Variants in MAGI2 observed in about 807,000 individuals in gnomAD.
MAGI2 encodes the protein membrane associated guanylate kinase, WW and PDZ domain containing 2.
A neutral mutation model predicts 133.3 loss-of-function variants in MAGI2; 35 were observed. That is an observed-to-expected ratio of 0.26 (90% CI 0.20 to 0.35). MAGI2 has a LOEUF of 0.35. Among genes scored for constraint, MAGI2 ranks in the 10% least tolerant of loss-of-function variants. The probability of loss-of-function intolerance (pLI) is 1.00; values close to 1 mark genes in which losing one functional copy is unlikely to be tolerated. For missense variants in MAGI2, 1,636 were observed against 1,863.4 expected (o/e 0.88, Z 2.25); for synonymous variants, 729 against 710.6 (o/e 1.03, Z -0.41).
chr7:78,764,564 T>G (rs971362501), intron 2 of MAGI2, among the ~76,000 whole-genome samples: 1 of 152,204 alleles, frequency 6.6e-6, no homozygotes, highest in Admixed American at 6.5e-5. Flanking sequence ...CCATCCCAAA[T>G]GTTAAACAGT....
chr7:79,383,919 A>C (rs1258540895), intron 1 of MAGI2, among the ~76,000 whole-genome samples: 2 of 151,492 alleles, frequency 1.3e-5, no homozygotes, highest in Middle Eastern at 3.2e-3. Context: ...AATATTTTAG[A>C]TATACCAGAC....
chr7:78,649,247 A>AAAAAAAAAAAG (rs1417040877), intron 2 of MAGI2, among the ~76,000 whole-genome samples: 2 of 149,052 alleles, frequency 1.3e-5, no homozygotes, highest in Admixed American at 1.3e-4. Context: ...AAAAAAAAAG[A>AAAAAAAAAAAG]AAAAAAGTAA....
intron 2 of MAGI2, among the ~76,000 whole-genome samples, chr7:78,650,976 A>T (rs1219051258): frequency 6.6e-6 from 1 of 152,168 alleles, no homozygotes; most frequent in African/African-American, 2.4e-5. Flanking sequence ...CTCAGTGGTG[A>T]TTTGAGGCGT....
intron 2 of MAGI2, among the ~76,000 whole-genome samples, chr7:78,759,923 C>T (rs980050571): frequency 6.6e-6 from 1 of 152,054 alleles, no homozygotes; most frequent in Non-Finnish European, 1.5e-5. Flanking sequence ...GTCAGCACTT[C>T]GAGACCAGCC....
intron 2 of MAGI2, among the ~76,000 whole-genome samples, chr7:78,949,300 G>A (rs1050975564): frequency 2.6e-5 from 4 of 152,066 alleles, no homozygotes; most frequent in Admixed American, 2.6e-4. Flanking sequence ...ATTGCTTGCT[G>A]TTTTATTTTG....
At chr7:78,231,365 G>A (rs771173510) in intron 10 of MAGI2, among the ~76,000 whole-genome samples, 99 of 152,330 alleles carry the variant, frequency 6.5e-4, no homozygotes, top group South Asian at 8.3e-4. Flanking sequence ...GGGATTGCGT[G>A]CCTGTTCCCC....
intron 2 of MAGI2, among the ~76,000 whole-genome samples, chr7:78,977,922 A>G (rs781601193): frequency 2.0e-5 from 3 of 151,840 alleles, no homozygotes; most frequent in Non-Finnish European, 2.9e-5. Flanking sequence ...AACAGTAAAG[A>G]CGTTCAACAT....
rs527576272 is a variant in MAGI2, at chr7:78,557,764, C to T, written c.539-36119G>A. On this transcript the variant is annotated intron_variant, in intron 3 of 21. Transcript: ENST00000354212. ...AGCAGTAATAAAGGTTTTTCTTTTT[C>T]TCCTCTTAAAAATTAATAATCCATT... Among the ~76,000 whole-genome samples the T allele has an allele frequency of 1.5e-4, 23 of 152,276 alleles. No homozygotes were observed. In the South Asian group the frequency reaches 4.1e-3, roughly 27 times the overall value.
chr7:78,831,917 T>G (rs112096041), intron 2 of MAGI2, among the ~76,000 whole-genome samples: 8 of 152,292 alleles, frequency 5.3e-5, no homozygotes, highest in African/African-American at 1.9e-4. Flanking sequence ...GTGGTTATTT[T>G]CACAACTGAA....
At chr7:78,991,056 A>G (rs1376917080) in intron 2 of MAGI2, among the ~76,000 whole-genome samples, 1 of 151,636 alleles carries the variant, frequency 6.6e-6, no homozygotes, top group Non-Finnish European at 1.5e-5. Context: ...AGTTTCCCCC[A>G]TGCTGTTCTT....
chr7:79,341,527 A>C (rs555256875), intron 1 of MAGI2, among the ~76,000 whole-genome samples: 1 of 152,274 alleles, frequency 6.6e-6, no homozygotes, highest in Admixed American at 6.5e-5. Context: ...TCTGGTGCAA[A>C]GAGGGCTTTA....
intron 1 of MAGI2, among the ~76,000 whole-genome samples, chr7:79,104,778 A>C (rs971099943): frequency 4.6e-5 from 7 of 152,144 alleles, no homozygotes; most frequent in African/African-American, 1.7e-4. Flanking sequence ...TGAGGAAAGG[A>C]CCTTCTCCTG....
intron 6 of MAGI2, among the ~76,000 whole-genome samples, chr7:78,394,273 A>G (rs998898619): frequency 6.6e-6 from 1 of 152,210 alleles, no homozygotes; most frequent in Non-Finnish European, 1.5e-5. Context: ...CCTACTTATG[A>G]CTGCCAGAGT....
At chr7:78,408,253 T>A (rs1797566866) in intron 6 of MAGI2, among the ~76,000 whole-genome samples, 1 of 152,128 alleles carries the variant, frequency 6.6e-6, no homozygotes, top group Non-Finnish European at 1.5e-5. Flanking sequence ...TAAATCAGGC[T>A]AATTAACATA....
intron 21 of MAGI2, among the ~76,000 whole-genome samples, chr7:78,046,826 A>G (rs539475572): frequency 6.6e-6 from 1 of 152,354 alleles, no homozygotes; most frequent in African/African-American, 2.4e-5. Flanking sequence ...AGTTTTTATT[A>G]ATAGAATTAA....
intron 2 of MAGI2, among the ~76,000 whole-genome samples, chr7:78,739,808 T>G (rs112623791): frequency 1.7e-4 from 26 of 151,980 alleles, no homozygotes; most frequent in African/African-American, 5.8e-4. Context: ...CTTGAACGGG[T>G]TTCCCTCTTC....
At chr7:78,930,127 T>C (rs1800002116) in intron 2 of MAGI2, among the ~76,000 whole-genome samples, 2 of 152,102 alleles carry the variant, frequency 1.3e-5, no homozygotes, top group Admixed American at 1.3e-4. Flanking sequence ...TACAAGTTTA[T>C]GGTAATCCAT....
chr7:78,621,493 A>G (rs1171821536), intron 3 of MAGI2, among the ~76,000 whole-genome samples: 1 of 152,058 alleles, frequency 6.6e-6, no homozygotes, highest in African/African-American at 2.4e-5. Context: ...TCCCTTTACC[A>G]ACACCTGATG....
chr7:79,327,277 G>A (rs1175906967), intron 1 of MAGI2, among the ~76,000 whole-genome samples: 1 of 152,102 alleles, frequency 6.6e-6, no homozygotes, highest in East Asian at 1.9e-4. Flanking sequence ...ATTCTTCTGA[G>A]GATTTGGTCA....
Sources: gnomAD v4.1 joint callset for allele counts (sites outside exome capture counted in the v4.1 genomes callset) on GRCh38, gnomAD v4.1.1 for gene constraint, MANE v1.5 for transcripts, NCBI Gene and HGNC (gene_info 2026-07-23, HGNC 2026-07-21) for gene names.